SLC30A9: variants seen among roughly 807,000 people sequenced by gnomAD.
The protein encoded by SLC30A9 is proton-coupled zinc antiporter SLC30A9, mitochondrial.
In SLC30A9, 58 loss-of-function variants were observed where a neutral mutation model predicts 87.5. The observed-to-expected ratio is 0.66, with a 90% CI of 0.54 to 0.82. The LOEUF (loss-of-function observed/expected upper bound fraction) is 0.82. SLC30A9 is among the 40% of genes least tolerant of loss of function. The pLI, the probability that SLC30A9 is intolerant of heterozygous loss-of-function variation, is 0.00. For missense variants in SLC30A9, 557 were observed against 679.1 expected, an observed-to-expected ratio of 0.82 and a Z score of 2.00; for synonymous variants, 234 against 233.0, an observed-to-expected ratio of 1.00 and a Z score of -0.04.
At chr4:42,023,223 T>G in intron 5 of SLC30A9, 79 bp from the exon 6 acceptor site, 1 of 965,964 alleles carries the variant, frequency 1.0e-6, no homozygotes, top group Non-Finnish European at 1.7e-6. Flanking sequence ...AAGATTCTCA[T>G]TAGAGAATTT....
intron 11 of SLC30A9, among the ~76,000 whole-genome samples, chr4:42,064,161 G>A (rs1355763227): frequency 2.0e-5 from 3 of 152,158 alleles, no homozygotes; most frequent in African/African-American, 7.2e-5. Flanking sequence ...TAGCTCAACA[G>A]CTTTCACCAA....
intron 3 of SLC30A9, chr4:42,018,455 A>G (rs936315726): frequency 1.6e-6 from 2 of 1,245,962 alleles, no homozygotes; most frequent in South Asian, 1.4e-5. Flanking sequence ...GAGTAAGGCA[A>G]TTAAAGAACA....
chr4:42,019,095 T>C (rs901479264), intron 3 of SLC30A9, among the ~76,000 whole-genome samples: 4 of 152,174 alleles, frequency 2.6e-5, no homozygotes, highest in Non-Finnish European at 5.9e-5. Flanking sequence ...GCATTTAATG[T>C]AAGTATGTAT....
chr4:42,039,462 T>A (rs531844503), intron 8 of SLC30A9, among the ~76,000 whole-genome samples: 1 of 150,548 alleles, frequency 6.6e-6, no homozygotes, highest in South Asian at 2.1e-4. Flanking sequence ...TATTTTTGCC[T>A]CCTCTTTTTT....
chr4:41,992,958 C>T (rs1195685449), intron 1 of SLC30A9, among the ~76,000 whole-genome samples: 1 of 151,804 alleles, frequency 6.6e-6, no homozygotes, highest in Non-Finnish European at 1.5e-5. Flanking sequence ...CTGGGAAAAG[C>T]TTATAAAGCA....
chr4:42,021,967 T>C (rs529921810), intron 4 of SLC30A9, among the ~76,000 whole-genome samples: 768 of 62,834 alleles, frequency 0.012, 46 homozygotes, highest in African/African-American at 0.025. Flanking sequence ...CTCGCTCTGT[T>C]GCCCAGGCCG....
intron 9 of SLC30A9, among the ~76,000 whole-genome samples, chr4:42,055,005 T>A (rs1717546038): frequency 6.6e-6 from 1 of 152,100 alleles, no homozygotes; most frequent in Admixed American, 6.5e-5. Flanking sequence ...TAAAGCTTAA[T>A]GATGGATGAT....
intron 2 of SLC30A9, among the ~76,000 whole-genome samples, chr4:42,017,137 G>T (rs893609317): frequency 6.6e-6 from 1 of 151,984 alleles, no homozygotes; most frequent in Non-Finnish European, 1.5e-5. Context: ...TGATCTGATG[G>T]TTATAAAATA....
chr4:42,063,239 ATTGTAGGGTT>A lies in SLC30A9; in HGVS notation c.1032+119_1032+128del, dbSNP rs1234931894. On this transcript the variant is annotated intron_variant, in intron 11 of 17. Coordinates refer to ENST00000264451, the MANE Select transcript of SLC30A9 (RefSeq NM_006345.4). ...ATGACATACACCTTCTTGACTGTGT[ATTGTAGGGTT>A]ATATATCTATAGTTTAATTTTTAGA... The A allele has an allele frequency of 1.3e-4, 113 of 850,238 alleles. 1 individual carries two copies. The highest frequency in any genetic ancestry group is 1.4e-4 in the Admixed American group (5 of 36,950). 52.7% of individuals were successfully genotyped at this position (850,238 alleles called of 1,614,324 possible).
In SLC30A9 at chr4:42,088,436, C is replaced by G. The variant is rs1289484851; in HGVS notation, c.*2310C>G. ...TCACCTGTGTTAGTCCATTCTCACACTGCTATAAAGAAATACCTGAGACTG... is the reference window on the plus strand; with the variant it reads ...TCACCTGTGTTAGTCCATTCTCACAGTGCTATAAAGAAATACCTGAGACTG... On this transcript the variant is annotated 3_prime_UTR_variant, in exon 18 of 18. Coordinates refer to ENST00000264451, the MANE Select transcript of SLC30A9 (RefSeq NM_006345.4). The G allele has an allele frequency of 6.6e-6, 1 of 152,228 alleles. No homozygotes were observed. The highest frequency in any genetic ancestry group is 2.4e-5 in the African/African-American group (1 of 41,408). The allele number at this position is 152,228 out of a possible 1,614,324, so 9.4% of individuals were successfully genotyped here. A position where few individuals can be genotyped will look rare whatever the true frequency, so the allele number is the denominator to read the frequency against.
chr4:42,041,763 C>T (rs543847346), intron 8 of SLC30A9, among the ~76,000 whole-genome samples: 43 of 152,218 alleles, frequency 2.8e-4, no homozygotes, highest in South Asian at 4.1e-4. Context: ...TAGGGGGTGG[C>T]GGGCAAGATG....
At chr4:41,993,560 C>T (rs1714548907) in intron 1 of SLC30A9, among the ~76,000 whole-genome samples, 1 of 152,182 alleles carries the variant, frequency 6.6e-6, no homozygotes, top group African/African-American at 2.4e-5. Context: ...GGTTTTACTT[C>T]TCACTGCCTA....
intron 4 of SLC30A9, among the ~76,000 whole-genome samples, chr4:42,020,957 ATTT>A (rs1370404207): frequency 1.3e-5 from 2 of 152,124 alleles, no homozygotes; most frequent in Non-Finnish European, 2.9e-5. Flanking sequence ...AGTATAAATT[ATTT>A]TTACTACTTT....
At chr4:42,002,648 T>C (rs1378372106) in intron 2 of SLC30A9, among the ~76,000 whole-genome samples, 1 of 152,170 alleles carries the variant, frequency 6.6e-6, no homozygotes, top group African/African-American at 2.4e-5. Context: ...GGTGTATATG[T>C]ACCATATTTA....
At chr4:42,061,175 C>G (rs1717840037) in intron 10 of SLC30A9, among the ~76,000 whole-genome samples, 1 of 152,070 alleles carries the variant, frequency 6.6e-6, no homozygotes, top group Admixed American at 6.5e-5. Flanking sequence ...TAGTGCTGCC[C>G]AACAGAATTT....
At chr4:42,083,916 C>T (rs953578191) in intron 17 of SLC30A9, among the ~76,000 whole-genome samples, 3 of 152,146 alleles carry the variant, frequency 2.0e-5, no homozygotes, top group Admixed American at 6.5e-5. Context: ...AAAGTACCCC[C>T]AGGCACACCT....
At chr4:42,047,978 C>T (rs909930316) in intron 8 of SLC30A9, among the ~76,000 whole-genome samples, 3 of 151,692 alleles carry the variant, frequency 2.0e-5, no homozygotes, top group Non-Finnish European at 4.4e-5. Context: ...AGCACAAGAA[C>T]AGAAAATCAA....
chr4:42,029,810 C>A, intron 6 of SLC30A9: 1 of 729,580 alleles, frequency 1.4e-6, no homozygotes, highest in Non-Finnish European at 2.6e-6. Context: ...TGGAGACTTA[C>A]CCAGTGATGA....
rs1314948108 is a variant in SLC30A9 at position 42,089,997 on chromosome 4, A to G, written c.*3871A>G. Reference sequence around the variant, plus strand: ...ATTTTTGCTAAAATGATAACCATCTAAAGAGTGCCTAAGTTTTAAGTCTCG... The same window carrying G: ...ATTTTTGCTAAAATGATAACCATCTGAAGAGTGCCTAAGTTTTAAGTCTCG... On this transcript the variant is annotated 3_prime_UTR_variant, in exon 18 of 18. Coordinates refer to ENST00000264451, the MANE Select transcript of SLC30A9 (RefSeq NM_006345.4). The G allele has an allele frequency of 1.3e-5, 2 of 152,218 alleles. No homozygotes were observed. Among genetic ancestry groups the G allele is most frequent in the South Asian group, 2.1e-4 (1 of 4,830 alleles). 9.4% of individuals were successfully genotyped at this position (152,218 alleles called of 1,614,324 possible).
Sources: gnomAD v4.1 joint callset for allele counts (sites outside exome capture counted in the v4.1 genomes callset) on GRCh38, gnomAD v4.1.1 for gene constraint, MANE v1.5 for transcripts, NCBI Gene and HGNC (gene_info 2026-07-23, HGNC 2026-07-21) for gene names.